The following SGCZ variants were observed in gnomAD, a reference collection of about 807,000 sequenced individuals.
The protein encoded by SGCZ is zeta-sarcoglycan.
SGCZ carries 40 observed loss-of-function variants against 41.3 expected under a neutral mutation model. The observed-to-expected ratio is 0.97, with a 90% CI of 0.75 to 1.26. SGCZ has a LOEUF of 1.26. Among genes scored for constraint, SGCZ ranks in the 50% most tolerant of loss-of-function variants. The probability of loss-of-function intolerance (pLI) is 0.00; values close to 1 mark genes in which losing one functional copy is unlikely to be tolerated. For synonymous variants in SGCZ, 206 were observed against 137.5 expected (o/e 1.50, Z -3.49); for missense variants, 552 against 369.8 (o/e 1.49, Z -4.04).
At chr8:14,840,751 C>T (rs1802874204) in intron 1 of SGCZ, among the ~76,000 whole-genome samples, 1 of 151,934 alleles carries the variant, frequency 6.6e-6, no homozygotes, top group African/African-American at 2.4e-5. Context: ...CTTAGTTTTA[C>T]CTAAAAAAGA....
Position 14,315,411 on chromosome 8 carries a change from G to T in SGCZ, c.336+8692C>A, listed in dbSNP as rs554375186. Among the ~76,000 whole-genome samples, 29 of 152,114 alleles carry T rather than the reference G, an allele frequency of 1.9e-4. 1 individual carries two copies. The South Asian group carries it at 5.8e-3, about 30-fold the overall frequency. The stretch of plus-strand genomic sequence containing the variant: ...GGGTTATTTCTAGTTCAGCACTATA[G>T]TCAAATAGCAAACTAAAAAGTTAAA... On this transcript the variant is annotated intron_variant, in intron 3 of 7. Transcript: ENST00000382080.
At chr8:14,666,095 T>A (rs1807901695) in intron 1 of SGCZ, among the ~76,000 whole-genome samples, 1 of 152,152 alleles carries the variant, frequency 6.6e-6, no homozygotes, top group Non-Finnish European at 1.5e-5. Context: ...ATTTTAAGTC[T>A]TTTCTCTGAA....
At chr8:14,710,369 C>CAAAAAAAAAAAAAAAAAAAAAAAAAAAA (rs770994264) in intron 1 of SGCZ, among the ~76,000 whole-genome samples, 1 of 92,432 alleles carries the variant, frequency 1.1e-5, no homozygotes, top group Non-Finnish European at 2.2e-5. Flanking sequence ...GACTCCGCAT[C>CAAAAAAAAAAAAAAAAAAAAAAAAAAAA]AAAAAAAAAA....
intron 4 of SGCZ, among the ~76,000 whole-genome samples, chr8:14,208,231 A>G (rs984405347): frequency 2.0e-5 from 3 of 152,198 alleles, no homozygotes; most frequent in Admixed American, 6.5e-5. Flanking sequence ...GCTGACTTCA[A>G]TGGATGACAG....
At chr8:15,202,480 G>A (rs889758667) in intron 1 of SGCZ, among the ~76,000 whole-genome samples, 2 of 152,032 alleles carry the variant, frequency 1.3e-5, no homozygotes, top group Non-Finnish European at 2.9e-5. Context: ...ACAGTACAAC[G>A]GACTTTGAGG....
chr8:14,125,805 C>T lies in SGCZ; in HGVS notation c.548-17570G>A, dbSNP rs6980963. Among the ~76,000 whole-genome samples, 949 of 152,158 alleles carry T rather than the reference C, an allele frequency of 6.2e-3. 7 individuals carry two copies. The highest frequency in any genetic ancestry group is 0.022 in the African/African-American group (902 of 41,514). ...AGACCAATGGAACACAATGGAGATA[C>T]CAGAAGTAAGACCACACCTCTACAT... On this transcript the variant is annotated intron_variant, in intron 5 of 7. Transcript: ENST00000382080.
intron 1 of SGCZ, among the ~76,000 whole-genome samples, chr8:15,132,050 T>C (rs1465185682): frequency 6.6e-6 from 1 of 152,198 alleles, no homozygotes. Flanking sequence ...TTCAATGCAT[T>C]GGTGGAAGTA....
chr8:14,249,980 G>A (rs886164456), intron 3 of SGCZ, among the ~76,000 whole-genome samples: 5 of 152,138 alleles, frequency 3.3e-5, no homozygotes, highest in Non-Finnish European at 7.4e-5. Flanking sequence ...CAACTAAGAA[G>A]ATTACTCCAA....
intron 1 of SGCZ, among the ~76,000 whole-genome samples, chr8:15,207,938 G>A (rs1233779486): frequency 1.3e-5 from 2 of 152,142 alleles, no homozygotes; most frequent in African/African-American, 4.8e-5. Flanking sequence ...TAACTCTTAA[G>A]GAATATGGAC....
chr8:14,457,049 G>A (rs1800766461), intron 2 of SGCZ, among the ~76,000 whole-genome samples: 1 of 152,194 alleles, frequency 6.6e-6, no homozygotes, highest in Non-Finnish European at 1.5e-5. Context: ...AAGAGACAGA[G>A]AACACGAGCT....
At chr8:14,201,317 A>T (rs927607997) in intron 4 of SGCZ, among the ~76,000 whole-genome samples, 1 of 152,196 alleles carries the variant, frequency 6.6e-6, no homozygotes, top group Non-Finnish European at 1.5e-5. Flanking sequence ...AAAAGCCTGT[A>T]TGCATAAGCT....
At chr8:14,346,869 C>T (rs1052298841) in intron 2 of SGCZ, among the ~76,000 whole-genome samples, 6 of 151,894 alleles carry the variant, frequency 4.0e-5, no homozygotes, top group South Asian at 2.1e-4. Context: ...AAGTTTAGGG[C>T]GTTTCCTTTT....
intron 1 of SGCZ, among the ~76,000 whole-genome samples, chr8:14,836,981 T>C (rs1443435182): frequency 6.6e-6 from 1 of 152,200 alleles, no homozygotes; most frequent in African/African-American, 2.4e-5. Context: ...TATAAACCTT[T>C]TCATATATAC....
intron 1 of SGCZ, among the ~76,000 whole-genome samples, chr8:15,200,731 T>C (rs1187153379): frequency 6.6e-6 from 1 of 152,140 alleles, no homozygotes; most frequent in Non-Finnish European, 1.5e-5. Context: ...TATTCCTGAA[T>C]TGTAGGAACT....
chr8:14,531,020 G>A (rs983631542), intron 2 of SGCZ, among the ~76,000 whole-genome samples: 5 of 151,996 alleles, frequency 3.3e-5, no homozygotes, highest in Non-Finnish European at 5.9e-5. Flanking sequence ...GTCAAGGACA[G>A]TGTGAAGTCT....
At chr8:14,232,524 A>C (rs1283639240) in intron 4 of SGCZ, among the ~76,000 whole-genome samples, 3 of 152,062 alleles carry the variant, frequency 2.0e-5, no homozygotes, top group African/African-American at 7.2e-5. Flanking sequence ...CTGAGGAAAA[A>C]CAGAAAATGA....
intron 4 of SGCZ, among the ~76,000 whole-genome samples, chr8:14,208,874 A>AGAGT (rs1805704260): frequency 6.6e-6 from 1 of 152,154 alleles, no homozygotes; most frequent in African/African-American, 2.4e-5. Flanking sequence ...CGAGGGTGGG[A>AGAGT]GAGTACTCAG....
At chr8:14,395,074 G>A (rs1235370489) in intron 2 of SGCZ, among the ~76,000 whole-genome samples, 3 of 152,088 alleles carry the variant, frequency 2.0e-5, no homozygotes, top group African/African-American at 4.8e-5. Flanking sequence ...AATTAAATAG[G>A]CAAAGTACTT....
At chr8:14,531,490 C>T (rs1256663857) in intron 2 of SGCZ, among the ~76,000 whole-genome samples, 3 of 152,008 alleles carry the variant, frequency 2.0e-5, no homozygotes, top group African/African-American at 7.2e-5. Context: ...CCACTCCCTC[C>T]TGCTCACCAA....
Sources: gnomAD v4.1 joint callset for allele counts (sites outside exome capture counted in the v4.1 genomes callset) on GRCh38, gnomAD v4.1.1 for gene constraint, MANE v1.5 for transcripts, NCBI Gene and HGNC (gene_info 2026-07-23, HGNC 2026-07-21) for gene names.